Variants in GFRA2 observed in about 807,000 individuals in gnomAD.
The protein encoded by GFRA2 is GDNF family receptor alpha 2.
GFRA2 carries 17 observed loss-of-function variants against 48.3 expected under a neutral mutation model. The ratio of observed to expected loss-of-function variants is 0.35; its 90% confidence interval spans 0.24 to 0.53. The LOEUF (loss-of-function observed/expected upper bound fraction) is 0.53. GFRA2 is among the 20% of genes least tolerant of loss of function. The probability of loss-of-function intolerance (pLI) is 0.93; values close to 1 mark genes in which losing one functional copy is unlikely to be tolerated. For missense variants in GFRA2, 660 were observed against 637.3 expected (o/e 1.04, Z -0.38); for synonymous variants, 305 against 257.2 (o/e 1.19, Z -1.78).
At position 21,694,498 on chromosome 8, in the gene GFRA2, T is replaced by C. The variant is rs368697577; in HGVS notation, c.1238A>G (p.Asn413Ser). Residue 413 changes from asparagine (N) to serine (S), a missense_variant, in exon 8 of 9, where the codon AAC becomes AGC. Coordinates refer to ENST00000524240, the MANE Select transcript of GFRA2 (RefSeq NM_001495.5). The stretch of plus-strand genomic sequence containing the variant: ...GCACATGCTTAACTCTTTGGAGTTG[T>C]TGGCCTTCAGCCCCTGCTCCTGCGA... ...TSVQEQGLKA[N>S]NSKELSMCFT... The C allele has an allele frequency of 3.1e-6, 5 of 1,611,860 alleles. No individual in the cohort carries two copies. The highest frequency in any genetic ancestry group is 2.2e-5 in the East Asian group (1 of 44,858).
intron 1 of GFRA2, among the ~76,000 whole-genome samples, chr8:21,783,624 CT>C (rs368088849): frequency 0.049 from 7,516 of 152,118 alleles, 235 homozygotes; most frequent in Non-Finnish European, 0.073. Flanking sequence ...GGAGCTACCC[CT>C]TTCCCCCCTC....
chr8:21,759,575 A>G (rs1159108982), intron 3 of GFRA2, among the ~76,000 whole-genome samples: 10 of 151,758 alleles, frequency 6.6e-5, no homozygotes, highest in African/African-American at 2.2e-4. Flanking sequence ...ATTTAAAGAA[A>G]GGAAAATAAG....
At chr8:21,744,170 C>G (rs1804879444) in intron 4 of GFRA2, among the ~76,000 whole-genome samples, 1 of 152,188 alleles carries the variant, frequency 6.6e-6, no homozygotes. Context: ...CCTGAAGATA[C>G]TGAACACCCC....
intron 2 of GFRA2, among the ~76,000 whole-genome samples, chr8:21,800,338 G>A (rs1027992577): frequency 3.9e-4 from 60 of 152,270 alleles, no homozygotes; most frequent in East Asian, 1.7e-3. Flanking sequence ...TAGAACTCCC[G>A]CACCACGAAA....
intron 7 of GFRA2, among the ~76,000 whole-genome samples, chr8:21,699,905 G>C (rs985955625): frequency 1.2e-4 from 19 of 152,346 alleles, no homozygotes; most frequent in African/African-American, 4.1e-4. Context: ...GCAGGAGGGT[G>C]AGATGCCACT....
intron 4 of GFRA2, among the ~76,000 whole-genome samples, chr8:21,722,885 T>G (rs961168267): frequency 1.1e-4 from 16 of 152,132 alleles, no homozygotes; most frequent in Admixed American, 1.0e-3. Flanking sequence ...CCAGGGCTGG[T>G]TACACAGAGC....
chr8:21,728,242 T>C (rs1803982980), intron 4 of GFRA2, among the ~76,000 whole-genome samples: 1 of 150,608 alleles, frequency 6.6e-6, no homozygotes, highest in African/African-American at 2.4e-5. Context: ...AAGGATTCTG[T>C]TTCCACAGAC....
At chr8:21,724,941 T>C (rs1222440812) in intron 4 of GFRA2, among the ~76,000 whole-genome samples, 1 of 152,182 alleles carries the variant, frequency 6.6e-6, no homozygotes, top group Non-Finnish European at 1.5e-5. Context: ...CGTCCTCTAG[T>C]TCCTGGACAC....
rs1009876525 is a variant in GFRA2 at position 21,788,668 on chromosome 8, T to G, written c.-509A>C. 5 of 986,044 alleles carry G rather than the reference T, an allele frequency of 5.1e-6. No homozygotes were observed. The African/African-American group carries it at 8.7e-5, about 17-fold the overall frequency. 61.1% of individuals were successfully genotyped at this position (986,044 alleles called of 1,614,324 possible). ...CGCCCAAGAACAATCCAGTCGGAGC[T>G]TCGAGGACGAGAGACTGGAGTCGCT... On this transcript the variant is annotated 5_prime_UTR_variant, in exon 1 of 9. Coordinates refer to ENST00000524240, the MANE Select transcript of GFRA2 (RefSeq NM_001495.5).
intron 7 of GFRA2, among the ~76,000 whole-genome samples, chr8:21,697,839 C>T (rs1008498213): frequency 6.6e-6 from 1 of 152,044 alleles, no homozygotes; most frequent in Non-Finnish European, 1.5e-5. Context: ...TGGGAATTCC[C>T]CTGCACACAC....
chr8:21,776,992 T>C (rs959791727), intron 2 of GFRA2, among the ~76,000 whole-genome samples: 7 of 152,198 alleles, frequency 4.6e-5, no homozygotes, highest in Non-Finnish European at 1.0e-4. Context: ...AATGTTAGAC[T>C]GCGTTTTCCA....
At chr8:21,714,373 G>A (rs570486166) in intron 4 of GFRA2, among the ~76,000 whole-genome samples, 19 of 147,552 alleles carry the variant, frequency 1.3e-4, no homozygotes, top group African/African-American at 3.2e-4. Context: ...CTCAGCCACC[G>A]GAGCAGCTGG....
At chr8:21,790,004 G>C, upstream of GFRA2, 17 of 885,530 alleles carry the variant, frequency 1.9e-5, no homozygotes, top group Non-Finnish European at 2.2e-5. Flanking sequence ...CTCCGGGGTT[G>C]GGGGGTTCCT....
intron 3 of GFRA2, among the ~76,000 whole-genome samples, chr8:21,754,505 CTTTTTTT>C (rs59344047): frequency 1.6e-5 from 2 of 121,228 alleles, no homozygotes; most frequent in South Asian, 2.7e-4. Context: ...CTTTTTTTTT[CTTTTTTT>C]TTTTTTTTTT....
chr8:21,744,680 C>T (rs6587004), intron 4 of GFRA2, among the ~76,000 whole-genome samples: 28,312 of 151,262 alleles, frequency 0.19, 4,430 homozygotes, highest in African/African-American at 0.43. Context: ...ACTGTGGGGG[C>T]TGGAATGAAT....
rs1803112328 is a variant in GFRA2 at position 21,712,662 on chromosome 8, G to C, written c.795-6621C>G. Among the ~76,000 whole-genome samples, 4 of 152,262 alleles carry C rather than the reference G, an allele frequency of 2.6e-5. No individual in the cohort carries two copies. In the South Asian group the frequency reaches 8.3e-4, roughly 32 times the overall value. ...TTGGGAGGCCAAGGCAGGCGGCTGG[G>C]AGGTGGAGGTTGTAGTGAGCCGAGA... On this transcript the variant is annotated intron_variant, in intron 4 of 8. Transcript: ENST00000524240.
chr8:21,727,560 G>C (rs1000063728), intron 4 of GFRA2, among the ~76,000 whole-genome samples: 1 of 152,182 alleles, frequency 6.6e-6, no homozygotes, highest in African/African-American at 2.4e-5. Flanking sequence ...AGACAGGCTG[G>C]ATGACCAAAG....
intron 2 of GFRA2, among the ~76,000 whole-genome samples, chr8:21,799,289 C>A (rs1445148885): frequency 2.0e-5 from 3 of 151,076 alleles, no homozygotes; most frequent in Non-Finnish European, 4.4e-5. Flanking sequence ...GCGATCGCGG[C>A]TCACTGTAAG....
At chr8:21,709,756 T>C (rs1302006807) in intron 4 of GFRA2, among the ~76,000 whole-genome samples, 1 of 152,144 alleles carries the variant, frequency 6.6e-6, no homozygotes, top group African/African-American at 2.4e-5. Flanking sequence ...GGAGCCTTGC[T>C]TCCCTCCCGC....
Sources: allele counts gnomAD v4.1 joint callset (sites outside exome capture counted in the v4.1 genomes callset), GRCh38; gene constraint gnomAD v4.1.1; transcripts MANE v1.5; gene names NCBI Gene and HGNC (gene_info 2026-07-23, HGNC 2026-07-21).